Variants in FILIP1 observed in about 807,000 individuals in gnomAD.
FILIP1 encodes the protein filamin A interacting protein 1, also known as filamin-A-interacting protein 1.
In FILIP1, 61 loss-of-function variants were observed where a neutral mutation model predicts 102.1. The ratio of observed to expected loss-of-function variants is 0.60; its 90% CI spans 0.49 to 0.74. FILIP1 has a LOEUF of 0.74. Among genes scored for constraint, FILIP1 ranks in the 30% least tolerant of loss-of-function variants. The pLI is 0.00. For synonymous variants in FILIP1, 491 were observed against 526.9 expected (o/e 0.93, Z 0.93); for missense variants, 1,314 against 1,441.2 (o/e 0.91, Z 1.43).
intron 4 of FILIP1, among the ~76,000 whole-genome samples, chr6:75,344,494 T>C (rs975705771): frequency 2.0e-5 from 3 of 152,226 alleles, no homozygotes; most frequent in African/African-American, 4.8e-5. Flanking sequence ...GCCTACCAAC[T>C]AAAATGGGGT....
At chr6:75,360,363 A>G (rs537684848) in intron 3 of FILIP1, among the ~76,000 whole-genome samples, 25 of 152,342 alleles carry the variant, frequency 1.6e-4, no homozygotes, top group African/African-American at 6.0e-4. Context: ...ATGTGTCCTA[A>G]TAATTCTTTA....
rs538432211 is a variant in FILIP1, at chr6:75,381,333, G to A, written c.277-18416C>T. The stretch of plus-strand genomic sequence containing the variant: ...CAATCTCTGCCTCCCGGGTTCAAGC[G>A]ATTCTCCTGCTTCAGCCTCCTGAGT... On this transcript the variant is annotated intron_variant, in intron 2 of 5. Coordinates refer to ENST00000237172, the MANE Select transcript of FILIP1 (RefSeq NM_015687.5). Among the ~76,000 whole-genome samples the A allele has an allele frequency of 5.9e-5, 9 of 152,032 alleles. No individual in the cohort carries two copies. The South Asian group carries it at 1.0e-3, about 18-fold the overall frequency.
At chr6:75,371,511 T>C (rs569398940) in intron 2 of FILIP1, among the ~76,000 whole-genome samples, 1 of 152,312 alleles carries the variant, frequency 6.6e-6, no homozygotes, top group Non-Finnish European at 1.5e-5. Context: ...GGACCATGAA[T>C]AGCTGAAATA....
intron 4 of FILIP1, among the ~76,000 whole-genome samples, chr6:75,349,513 A>G (rs964451919): frequency 6.6e-6 from 1 of 152,230 alleles, no homozygotes; most frequent in African/African-American, 2.4e-5. Flanking sequence ...TGTTCACAGT[A>G]GAAACAAAGG....
intron 1 of FILIP1, among the ~76,000 whole-genome samples, chr6:75,436,802 G>A (rs1778040847): frequency 1.3e-5 from 2 of 152,178 alleles, no homozygotes; most frequent in African/African-American, 4.8e-5. Context: ...GAAATGATGT[G>A]CTGGTAAGCC....
chr6:75,315,252 T>A (rs1050672197), intron 4 of FILIP1, 50 bp from the exon 5 acceptor site: 12 of 1,235,128 alleles, frequency 9.7e-6, no homozygotes, highest in Non-Finnish European at 1.3e-5. Flanking sequence ...AGCAAACAGA[T>A]TTAAGCATTG....
At chr6:75,439,225 G>A (rs574502254) in intron 1 of FILIP1, among the ~76,000 whole-genome samples, 5 of 152,196 alleles carry the variant, frequency 3.3e-5, no homozygotes, top group Non-Finnish European at 7.3e-5. Context: ...AATTAGCCAC[G>A]TGTGGTGGCA....
rs1478608142 is a variant in FILIP1, at chr6:75,308,717, T to C, written c.3616A>G (p.Thr1206Ala). ...ELKKSAASST[T>A]SLGGGKG Reference sequence around the variant, plus strand: ...CAGCCCTTCCCCCCTCCGAGAGAGGTGGTGCTGCTGGCTGCAGATTTCTTC... The same window carrying C: ...CAGCCCTTCCCCCCTCCGAGAGAGGCGGTGCTGCTGGCTGCAGATTTCTTC... The change falls in exon 6 of 6, where the codon ACC becomes GCC. Residue 1206 changes from threonine (T) to alanine (A), a missense_variant. Around this residue, in one of 3 missense-constraint regions of FILIP1, gnomAD observed 816 missense variants for 913.1 expected, o/e 0.89. Coordinates refer to ENST00000237172, the MANE Select transcript of FILIP1 (RefSeq NM_015687.5). 1.2e-6 allele frequency: 2 copies of C among 1,612,648 alleles called. No individual in the cohort carries two copies. The highest frequency in any genetic ancestry group is 8.5e-7 in the Non-Finnish European group (1 of 1,179,844).
chr6:75,320,652 C>T (rs1773620911), intron 4 of FILIP1, among the ~76,000 whole-genome samples: 1 of 152,270 alleles, frequency 6.6e-6, no homozygotes. Flanking sequence ...AAGTTCTCCA[C>T]GATGCTGAGT....
chr6:75,476,475 T>C (rs926322949), intron 1 of FILIP1, among the ~76,000 whole-genome samples: 23 of 152,078 alleles, frequency 1.5e-4, no homozygotes, highest in African/African-American at 5.1e-4. Flanking sequence ...AACAAACAAG[T>C]CAACCACTAT....
At chr6:75,441,451 A>G (rs996762564) in intron 1 of FILIP1, among the ~76,000 whole-genome samples, 32 of 152,030 alleles carry the variant, frequency 2.1e-4, no homozygotes, top group Non-Finnish European at 2.9e-4. Context: ...TCTATTCCAC[A>G]AAACCGCCAT....
At chr6:75,447,791 C>T (rs1778488336) in intron 1 of FILIP1, among the ~76,000 whole-genome samples, 1 of 151,984 alleles carries the variant, frequency 6.6e-6, no homozygotes, top group Non-Finnish European at 1.5e-5. Context: ...TGTATTAAAT[C>T]TTCATCTTAA....
intron 4 of FILIP1, among the ~76,000 whole-genome samples, chr6:75,351,429 T>G (rs1001441131): frequency 6.6e-6 from 1 of 152,228 alleles, no homozygotes; most frequent in Non-Finnish European, 1.5e-5. Flanking sequence ...TTCATTTGCA[T>G]AGGACTCTAA....
chr6:75,374,377 G>A (rs564826928), intron 2 of FILIP1, among the ~76,000 whole-genome samples: 1 of 152,152 alleles, frequency 6.6e-6, no homozygotes, highest in South Asian at 2.1e-4. Flanking sequence ...GTGAGAAGCT[G>A]AATTCTTTTT....
chr6:75,491,828 C>G (rs1171484516), intron 1 of FILIP1, among the ~76,000 whole-genome samples: 4 of 152,174 alleles, frequency 2.6e-5, no homozygotes, highest in African/African-American at 9.7e-5. Flanking sequence ...ACTTCATCAG[C>G]AAACATGACT....
chr6:75,441,808 C>A (rs556415868), intron 1 of FILIP1, among the ~76,000 whole-genome samples: 1 of 149,720 alleles, frequency 6.7e-6, no homozygotes, highest in Admixed American at 6.6e-5. Context: ...CCTCACCTCC[C>A]GGACGGGGCG....
At position 75,400,220 on chromosome 6, in the gene FILIP1, C is replaced by T. The variant is rs181372220; in HGVS notation, c.276+14477G>A. Among the ~76,000 whole-genome samples, 11 of 152,260 alleles carry T rather than the reference C, an allele frequency of 7.2e-5. No homozygotes were observed. The East Asian group carries it at 1.9e-3, about 27-fold the overall frequency. On this transcript the variant is annotated intron_variant, in intron 2 of 5. Transcript: ENST00000237172. ...GCTGAAGGTTCCACCAAAGCCAACC[C>T]TTTGCATTTAACATGCAATACTTTA...
chr6:75,478,221 A>C (rs1260501021), intron 1 of FILIP1, among the ~76,000 whole-genome samples: 1 of 152,224 alleles, frequency 6.6e-6, no homozygotes, highest in East Asian at 1.9e-4. Context: ...CTTCATGCTT[A>C]GCTTTACTCG....
intron 1 of FILIP1, among the ~76,000 whole-genome samples, chr6:75,472,225 G>A (rs1039432589): frequency 2.0e-5 from 3 of 152,000 alleles, no homozygotes; most frequent in African/African-American, 7.2e-5. Context: ...AAAATGAAAG[G>A]TAATCTTGGG....
Sources: gnomAD v4.1 joint callset for allele counts (sites outside exome capture counted in the v4.1 genomes callset) on GRCh38, gnomAD v4.1.1 for gene constraint, gnomAD v4.1.1 regional missense constraint, MANE v1.5 for transcripts, NCBI Gene and HGNC (gene_info 2026-07-23, HGNC 2026-07-21) for gene names.